GRIK2: variants seen among roughly 807,000 people sequenced by gnomAD.
GRIK2 encodes glutamate ionotropic receptor kainate type subunit 2.
GRIK2 carries 32 observed loss-of-function variants against 100.3 expected under a neutral mutation model. The ratio of observed to expected loss-of-function variants is 0.32; its 90% CI spans 0.24 to 0.43. GRIK2 has a LOEUF of 0.43. Ranked by LOEUF, GRIK2 falls within the 20% of genes least tolerant of loss-of-function variation. GRIK2 has a pLI of 1.00. For missense variants in GRIK2, 843 were observed against 1,114.9 expected, an observed-to-expected ratio of 0.76 and a Z score of 3.47; for synonymous variants, 417 against 389.4, an observed-to-expected ratio of 1.07 and a Z score of -0.83.
intron 7 of GRIK2, among the ~76,000 whole-genome samples, chr6:101,730,614 A>T (rs1283254745): frequency 1.3e-5 from 2 of 151,900 alleles, no homozygotes; most frequent in East Asian, 3.9e-4. Context: ...GATATGTGCC[A>T]TTGTTTTATG....
chr6:101,850,250 G>A (rs1784056936), intron 10 of GRIK2, among the ~76,000 whole-genome samples: 1 of 151,914 alleles, frequency 6.6e-6, no homozygotes, highest in African/African-American at 2.4e-5. Context: ...ATAAGGGCAG[G>A]AATTTTTCTA....
At position 101,690,124 on chromosome 6, in the gene GRIK2, G is replaced by A. The variant is rs994047452; in HGVS notation, c.951+3771G>A. On this transcript the variant is annotated intron_variant, in intron 7 of 16. Transcript: ENST00000369134. Reference sequence around the variant, plus strand: ...CTCAGAGTACATTTTAAACAGTCTAGCTATATCCCAGAAATCCTTCCCAGT... The same window carrying A: ...CTCAGAGTACATTTTAAACAGTCTAACTATATCCCAGAAATCCTTCCCAGT... Among the ~76,000 whole-genome samples the A allele has an allele frequency of 2.0e-5, 3 of 152,048 alleles. No homozygotes were observed. The South Asian group carries it at 6.2e-4, about 32-fold the overall frequency.
At chr6:101,983,328 A>G (rs1562087308) in intron 14 of GRIK2, among the ~76,000 whole-genome samples, 1 of 151,862 alleles carries the variant, frequency 6.6e-6, no homozygotes, top group East Asian at 1.9e-4. Context: ...TGTTAGTTTA[A>G]GCATTTAATC....
intron 14 of GRIK2, among the ~76,000 whole-genome samples, chr6:101,988,128 TGTGTGCGC>T (rs1417240255): frequency 0.053 from 1,050 of 19,846 alleles, 13 homozygotes; most frequent in Non-Finnish European, 0.095. Flanking sequence ...TGTGTGTGTG[TGTGTGCGC>T]GCGCGCGCGC....
intron 4 of GRIK2, among the ~76,000 whole-genome samples, chr6:101,672,765 C>G (rs79184040): frequency 6.6e-6 from 1 of 152,076 alleles, no homozygotes; most frequent in Non-Finnish European, 1.5e-5. Context: ...TGTGTTGTTG[C>G]AAAGGCCATG....
At chr6:102,013,963 C>G (rs996103609) in intron 14 of GRIK2, among the ~76,000 whole-genome samples, 1 of 151,886 alleles carries the variant, frequency 6.6e-6, no homozygotes, top group Non-Finnish European at 1.5e-5. Flanking sequence ...TAGGGAGGAG[C>G]GCTTCCTCCT....
intron 2 of GRIK2, among the ~76,000 whole-genome samples, chr6:101,543,390 A>C (rs555935666): frequency 5.9e-5 from 9 of 152,336 alleles, no homozygotes; most frequent in African/African-American, 2.2e-4. Context: ...ACAAATAAGC[A>C]AAAGGTGGGC....
chr6:102,042,402 A>G (rs577822091), intron 15 of GRIK2, among the ~76,000 whole-genome samples: 1 of 151,738 alleles, frequency 6.6e-6, no homozygotes, highest in East Asian at 1.9e-4. Context: ...AAAGATAAGG[A>G]AAAACAAATT....
At position 101,399,227 on chromosome 6, in the gene GRIK2, C is replaced by G. The variant is rs1775145234; in HGVS notation, c.-51C>G. 1 of 886,268 alleles carries G rather than the reference C, an allele frequency of 1.1e-6. No individual in the cohort carries two copies. The highest frequency in any genetic ancestry group is 1.9e-6 in the Non-Finnish European group (1 of 515,692). 54.9% of individuals were successfully genotyped at this position (886,268 alleles called of 1,614,324 possible). On this transcript the variant is annotated 5_prime_UTR_variant, in exon 2 of 17. Coordinates refer to ENST00000369134, the MANE Select transcript of GRIK2 (RefSeq NM_021956.5). ...CTCATTTCTACCCGAACCCAGGAGC[C>G]GAACGCTAGATCGGGGAAGTGGGTG...
Position 101,483,741 on chromosome 6 carries a change from A to G in GRIK2, c.115+84349A>G, listed in dbSNP as rs559010032. On this transcript the variant is annotated intron_variant, in intron 2 of 16. Coordinates refer to ENST00000369134, the MANE Select transcript of GRIK2 (RefSeq NM_021956.5). ...CAGGTGCCCACCACCATGCTCAGCTAATTTTTTGTATTTTTAGTAGAGATG... is the reference window on the plus strand; with the variant it reads ...CAGGTGCCCACCACCATGCTCAGCTGATTTTTTGTATTTTTAGTAGAGATG... Among the ~76,000 whole-genome samples, 6 of 151,984 alleles carry G rather than the reference A, an allele frequency of 3.9e-5. No homozygotes were observed. The South Asian group carries it at 1.0e-3, about 26-fold the overall frequency.
At chr6:101,866,511 G>A (rs576065479) in intron 11 of GRIK2, among the ~76,000 whole-genome samples, 9 of 152,008 alleles carry the variant, frequency 5.9e-5, no homozygotes, top group East Asian at 1.9e-4. Flanking sequence ...AACCTCATCC[G>A]AAAAACAAAT....
intron 7 of GRIK2, among the ~76,000 whole-genome samples, chr6:101,794,526 T>C (rs773772517): frequency 1.3e-5 from 2 of 152,208 alleles, no homozygotes; most frequent in Non-Finnish European, 2.9e-5. Context: ...TTCTCTCTTA[T>C]TGTTTATCAT....
chr6:101,675,775 G>T (rs1770789767), intron 4 of GRIK2, among the ~76,000 whole-genome samples: 1 of 152,058 alleles, frequency 6.6e-6, no homozygotes, highest in African/African-American at 2.4e-5. Flanking sequence ...ATGTGTGCAG[G>T]TATATTTACT....
At chr6:101,567,039 C>T (rs1777311962) in intron 2 of GRIK2, among the ~76,000 whole-genome samples, 1 of 151,130 alleles carries the variant, frequency 6.6e-6, no homozygotes, top group Admixed American at 6.6e-5. Flanking sequence ...TTAAAAATTA[C>T]AGAGCGAGGA....
At chr6:101,556,327 T>TA (rs1776742428) in intron 2 of GRIK2, among the ~76,000 whole-genome samples, 2 of 57,042 alleles carry the variant, frequency 3.5e-5, no homozygotes, top group Non-Finnish European at 6.2e-5. Context: ...GGTAATTTTT[T>TA]TTTTTTTTTT....
At chr6:101,994,097 A>G (rs1390528536) in intron 14 of GRIK2, among the ~76,000 whole-genome samples, 1 of 150,414 alleles carries the variant, frequency 6.6e-6, no homozygotes, top group African/African-American at 2.4e-5. Flanking sequence ...ATGTATACAT[A>G]TATACATTCT....
At chr6:101,516,979 C>T (rs765312365) in intron 2 of GRIK2, among the ~76,000 whole-genome samples, 1 of 152,074 alleles carries the variant, frequency 6.6e-6, no homozygotes, top group Admixed American at 6.6e-5. Context: ...TTTCATGGAG[C>T]AAATTGGGCA....
At chr6:101,554,195 G>T (rs1776635537) in intron 2 of GRIK2, among the ~76,000 whole-genome samples, 1 of 152,148 alleles carries the variant, frequency 6.6e-6, no homozygotes, top group South Asian at 2.1e-4. Context: ...GCCCGGTTCT[G>T]CAGGAAGAAT....
rs1242912664 is a variant in GRIK2, at chr6:101,660,015, C to T, written c.542-16608C>T. On this transcript the variant is annotated intron_variant, in intron 4 of 16. Transcript: ENST00000369134. ...TGTGTTTCCTGAATTTGAATGTTGG[C>T]CTCTCTTGCTAGGTTGGGGAAGTTC... Among the ~76,000 whole-genome samples the T allele has an allele frequency of 4.6e-5, 7 of 152,098 alleles. No individual in the cohort carries two copies. In the East Asian group the frequency reaches 1.2e-3, roughly 25 times the overall value.
Sources: gnomAD v4.1 joint callset for allele counts (sites outside exome capture counted in the v4.1 genomes callset) on GRCh38, gnomAD v4.1.1 for gene constraint, MANE v1.5 for transcripts, NCBI Gene and HGNC (gene_info 2026-07-23, HGNC 2026-07-21) for gene names.